RYR1: variants seen among roughly 807,000 people sequenced by gnomAD.
RYR1 encodes central core disease of muscle.
Under a neutral mutation model 583.5 loss-of-function variants are expected in RYR1, and 342 were observed. The observed-to-expected ratio is 0.59, with a 90% confidence interval of 0.54 to 0.64. The LOEUF (loss-of-function observed/expected upper bound fraction) is 0.64. RYR1 is among the 30% of genes least tolerant of loss of function. The pLI, the probability that RYR1 is intolerant of heterozygous loss-of-function variation, is 0.00. For missense variants in RYR1, 6,032 were observed against 6,917.2 expected, an observed-to-expected ratio of 0.87 and a Z score of 4.54; for synonymous variants, 2,791 against 2,822.5, an observed-to-expected ratio of 0.99 and a Z score of 0.35.
At chr19:38,504,408 G>T in intron 50 of RYR1, 48 bp downstream of exon 50, 4 of 1,600,190 alleles carry the variant, frequency 2.5e-6, no homozygotes, top group Non-Finnish European at 3.4e-6. Context: ...AGGGTTTGGG[G>T]CCCAAAATTG....
intron 93 of RYR1, among the ~76,000 whole-genome samples, chr19:38,570,053 A>T (rs540512109): frequency 6.6e-6 from 1 of 152,266 alleles, no homozygotes; most frequent in South Asian, 2.1e-4. Context: ...AATCCCAGCT[A>T]CTTAGGAGGC....
At chr19:38,576,930 G>A (rs1973981055) in intron 97 of RYR1, among the ~76,000 whole-genome samples, 1 of 152,238 alleles carries the variant, frequency 6.6e-6, no homozygotes, top group Admixed American at 6.5e-5. Flanking sequence ...CTGTTACCCA[G>A]TCTGGAGTGC....
At chr19:38,539,750 C>T (rs1168857924) in intron 84 of RYR1, among the ~76,000 whole-genome samples, 7 of 152,112 alleles carry the variant, frequency 4.6e-5, no homozygotes, top group African/African-American at 1.7e-4. Flanking sequence ...TCTCAGACCC[C>T]TTGCATGTCT....
At chr19:38,558,659 A>T (rs1335158369) in intron 89 of RYR1, among the ~76,000 whole-genome samples, 1 of 151,228 alleles carries the variant, frequency 6.6e-6, no homozygotes, top group African/African-American at 2.4e-5. Context: ...CATGCCTGTA[A>T]TCTCAGCTAC....
At chr19:38,464,575 G>T in intron 22 of RYR1, 64 bp from the exon 23 acceptor site, 1 of 1,402,964 alleles carries the variant, frequency 7.1e-7, no homozygotes, top group East Asian at 2.5e-5. Context: ...CTGAGGCCGT[G>T]GGAGGAGACG....
chr19:38,517,833 G>A, intron 66 of RYR1, 142 bp downstream of exon 66: 1 of 778,062 alleles, frequency 1.3e-6, no homozygotes, highest in Non-Finnish European at 2.1e-6. Flanking sequence ...AAAGACCAGG[G>A]GTCAGCTGGG....
chr19:38,502,716 G>C lies in RYR1; in HGVS notation c.7824G>C (p.Met2608Ile), dbSNP rs1568505698. 6.3e-7 allele frequency: 1 copy of C among 1,575,936 alleles called. No individual in the cohort carries two copies. The highest frequency in any genetic ancestry group is 2.4e-5 in the East Asian group (1 of 42,522). The change falls in exon 48 of 106, where the codon ATG becomes ATC. Residue 2608 changes from methionine (M) to isoleucine (I), a missense_variant. Around this residue, in one of 11 missense-constraint regions of RYR1, gnomAD observed 250 missense variants for 162.3 expected, o/e 1.54. Coordinates refer to ENST00000359596, the MANE Select transcript of RYR1 (RefSeq NM_000540.3). ...GTGACGTCATCGAGGACTGCCTCAT[G>C]TCGCTCTGCAGGTGGAGCGGGGCAG... ...AQRDVIEDCL[M>I]SLCRYIRPSM...
In RYR1 at chr19:38,444,783, C is replaced by T. The variant is rs1173546468; in HGVS notation, c.631+106C>T. ...GAGCCTTGGAACCTCAGACCTCAAA[C>T]CTAGATCTCCAAATTATGGCTCTCA... On this transcript the variant is annotated intron_variant, in intron 7 of 105. Coordinates refer to ENST00000359596, the MANE Select transcript of RYR1 (RefSeq NM_000540.3). This position sits in a 1 kb window ranked among gnomAD's most constrained non-coding sequence, Gnocchi z 5.1. 1 of 838,798 alleles carries T rather than the reference C, an allele frequency of 1.2e-6. No homozygotes were observed. 52.0% of individuals were successfully genotyped at this position (838,798 alleles called of 1,614,324 possible). A position where few individuals can be genotyped will look rare whatever the true frequency, so the allele number is the denominator to read the frequency against.
At chr19:38,473,352 A>G (rs1226614682) in intron 27 of RYR1, 25 bp from the exon 28 acceptor site, 2 of 1,613,402 alleles carry the variant, frequency 1.2e-6, no homozygotes, top group East Asian at 2.2e-5. Flanking sequence ...TGCCCAGCCC[A>G]GTACTCCATT....
At position 38,561,543 on chromosome 19, in the gene RYR1, C is replaced by T; in HGVS notation, c.12624+89C>T. 1 of 1,265,388 alleles carries T rather than the reference C, an allele frequency of 7.9e-7. No homozygotes were observed. Among genetic ancestry groups the T allele is most frequent in the South Asian group, 1.4e-5 (1 of 72,638 alleles). The allele number at this position is 1,265,388 out of a possible 1,614,324, so 78.4% of individuals were successfully genotyped here. A position where few individuals can be genotyped will look rare whatever the true frequency, so the allele number is the denominator to read the frequency against. On this transcript the variant is annotated intron_variant, in intron 90 of 105. Coordinates refer to ENST00000359596, the MANE Select transcript of RYR1 (RefSeq NM_000540.3). The surrounding 1 kb of genome is among the most constrained non-coding windows in gnomAD (Gnocchi z 4.8). ...CCTGCACCCTCAGACCCCACGGGGG[C>T]TGTGCGTGCCTCGCATATCTGCCCT... is the stretch of plus-strand genomic sequence containing the variant.
In RYR1 at chr19:38,505,385, C is replaced by T. The variant is rs1445048000; in HGVS notation, c.8387C>T (p.Thr2796Ile). The change falls in exon 53 of 106, where the codon ACC becomes ATC. Residue 2796 changes from threonine (T) to isoleucine (I), a missense_variant. Transcript: ENST00000359596. ...CACCCCATGCTGAGGCCCTACAAGA[C>T]CTTTTCAGAGAAGGTGACCAGGCCT... is the stretch of plus-strand genomic sequence containing the variant. ...KTHPMLRPYK[T>I]FSEKDKEIYR... The T allele has an allele frequency of 4.0e-5, 65 of 1,609,434 alleles. No homozygotes were observed. Among genetic ancestry groups the T allele is most frequent in the Non-Finnish European group, 5.3e-5 (62 of 1,177,438 alleles).
rs983681538 is a variant in RYR1, at chr19:38,437,319, G to A, written c.46-3426G>A. On this transcript the variant is annotated intron_variant, in intron 1 of 105. Coordinates refer to ENST00000359596, the MANE Select transcript of RYR1 (RefSeq NM_000540.3). Reference sequence around the variant, plus strand: ...GCCCACCTTGGCCTCCCAAAGTGCTGGGATTACAGGAATGAGCCACCTCGC... The same window carrying A: ...GCCCACCTTGGCCTCCCAAAGTGCTAGGATTACAGGAATGAGCCACCTCGC... Among the ~76,000 whole-genome samples the A allele has an allele frequency of 2.0e-4, 31 of 152,024 alleles. 1 individual carries two copies. The highest frequency in any genetic ancestry group is 7.4e-5 in the Non-Finnish European group (5 of 68,010).
chr19:38,433,745 A>AACCCCCCCCCCCC lies in RYR1; in HGVS notation c.-85_-84insACCCCCCCCCCCC. ...GGTGTCTCCAGAGGTCTCCGACCCC[A>AACCCCCCCCCCCC]GCCCGCCCCCAGCCCTCCCGCCCAG... On this transcript the variant is annotated 5_prime_UTR_variant, in exon 1 of 106. Transcript: ENST00000359596. 1 of 498,370 alleles carries AACCCCCCCCCCCC rather than the reference A, an allele frequency of 2.0e-6. No homozygotes were observed. Among genetic ancestry groups the AACCCCCCCCCCCC allele is most frequent in the East Asian group, 4.8e-5 (1 of 20,916 alleles). The allele number at this position is 498,370 out of a possible 1,614,324, so 30.9% of individuals were successfully genotyped here.
intron 76 of RYR1, among the ~76,000 whole-genome samples, chr19:38,529,527 C>T (rs750645292): frequency 6.6e-6 from 1 of 152,194 alleles, no homozygotes; most frequent in Non-Finnish European, 1.5e-5. Context: ...AGGACAGGCA[C>T]AGCCAACATA....
intron 24 of RYR1, among the ~76,000 whole-genome samples, chr19:38,466,996 C>G (rs941019453): frequency 6.6e-6 from 1 of 152,144 alleles, no homozygotes; most frequent in Non-Finnish European, 1.5e-5. Context: ...TGAGTGCCAA[C>G]CCCACCTTTG....
chr19:38,454,405 C>T (rs1444602514), intron 13 of RYR1, among the ~76,000 whole-genome samples: 1 of 152,190 alleles, frequency 6.6e-6, no homozygotes, highest in South Asian at 2.1e-4. Context: ...GAAGTGCTGT[C>T]TAGCTTTCCT....
chr19:38,542,023 C>CA (rs1188782819), intron 84 of RYR1, among the ~76,000 whole-genome samples: 1 of 145,602 alleles, frequency 6.9e-6, no homozygotes, highest in Non-Finnish European at 1.5e-5. Flanking sequence ...GAGCTATGAT[C>CA]ATGCCACAGT....
At chr19:38,517,864 A>G (rs1269373262) in intron 66 of RYR1, among the ~76,000 whole-genome samples, 173 bp downstream of exon 66, 2 of 152,304 alleles carry the variant, frequency 1.3e-5, no homozygotes, top group East Asian at 3.9e-4. Flanking sequence ...CACAGCTGTA[A>G]CACCAACACT....
chr19:38,512,253 T>C lies in RYR1; in HGVS notation c.9242T>C (p.Met3081Thr), dbSNP rs147012990. Residue 3081 changes from methionine to threonine, a missense_variant, in exon 63 of 106, where the codon ATG becomes ACG. Physicochemically the swap from Met to Thr is moderately conservative, Grantham distance 81. Transcript: ENST00000359596. This position sits in a 1 kb window ranked among gnomAD's most constrained non-coding sequence, Gnocchi z 5.1. ...LARSLDARTV[M>T]KSGPEIVKAG... ...CCCCGCTGCCCTTCTAGGACAGTGA[T>C]GAAGTCAGGCCCTGAGATCGTGAAG... 592 of 1,614,246 alleles carry C rather than the reference T, an allele frequency of 3.7e-4. 4 individuals carry two copies. In the African/African-American group the frequency reaches 6.6e-3, roughly 18 times the overall value.
Sources: gnomAD v4.1 joint callset for allele counts (sites outside exome capture counted in the v4.1 genomes callset) on GRCh38, gnomAD v4.1.1 for gene constraint, gnomAD v4.1.1 regional missense constraint, Gnocchi (gnomAD v3.1) non-coding constraint, MANE v1.5 for transcripts, NCBI Gene and HGNC (gene_info 2026-07-23, HGNC 2026-07-21) for gene names.